The following POLR3A variants were observed in gnomAD, a reference collection of about 807,000 sequenced individuals.
POLR3A encodes the protein RNA polymerase III subunit A, also known as DNA-directed RNA polymerase III subunit RPC1.
A neutral mutation model predicts 152.8 loss-of-function variants in POLR3A; 112 were observed. The ratio of observed to expected loss-of-function variants is 0.73; its 90% CI spans 0.63 to 0.86. The LOEUF is 0.86. Ranked by LOEUF, POLR3A falls within the 40% of genes least tolerant of loss-of-function variation. The pLI is 0.00. For missense variants in POLR3A, 1,385 were observed against 1,743.1 expected (o/e 0.79, Z 3.66); for synonymous variants, 615 against 652.1 (o/e 0.94, Z 0.87).
intron 21 of POLR3A, 115 bp downstream of exon 21, chr10:77,990,939 A>C: frequency 1.4e-6 from 1 of 701,282 alleles, no homozygotes; most frequent in Non-Finnish European, 2.6e-6. Flanking sequence ...TAACAAAGGA[A>C]CAACCCTACC....
chr10:78,005,657 G>A (rs1847403913), intron 15 of POLR3A, among the ~76,000 whole-genome samples: 1 of 152,200 alleles, frequency 6.6e-6, no homozygotes, highest in Non-Finnish European at 1.5e-5. Context: ...TGCAACTGCT[G>A]GAAATGATGA....
intron 15 of POLR3A, among the ~76,000 whole-genome samples, chr10:78,006,670 TA>T (rs1847415244): frequency 6.6e-6 from 1 of 151,882 alleles, no homozygotes. Flanking sequence ...AGAAATAACA[TA>T]AAATTTCCCG....
In POLR3A at chr10:77,982,713, T is replaced by C. The variant is rs752722677; in HGVS notation, c.3534A>G (p.Arg1178=). Residue 1178 remains arginine, a synonymous_variant, in exon 27 of 31, where the codon AGA becomes AGG. Coordinates refer to ENST00000372371, the MANE Select transcript of POLR3A (RefSeq NM_007055.4). ...HGEAVVCVTP[R]ENSKSSMYYV... ...AGTACATGGAGCTCTTGCTGTTCTC[T>C]CTGGGGGTGACACACACCACAGCCT... The C allele has an allele frequency of 1.2e-6, 2 of 1,613,936 alleles. No homozygotes were observed. Among genetic ancestry groups the C allele is most frequent in the Non-Finnish European group, 8.5e-7 (1 of 1,179,920 alleles).
rs143752078 is a variant in POLR3A, at chr10:77,979,951, G to C, written c.4024+190C>G. 2.3e-3 allele frequency among the ~76,000 whole-genome samples: 348 copies of C among 152,264 alleles called. 1 individual carries two copies. The highest frequency in any genetic ancestry group is 8.2e-3 in the African/African-American group (342 of 41,548). The stretch of plus-strand genomic sequence containing the variant: ...GAAGTCATCCAACAGATGTAAACGG[G>C]GATGCAGGATGCTACAGTCAGGATT... On this transcript the variant is annotated intron_variant, in intron 30 of 30. Coordinates refer to ENST00000372371, the MANE Select transcript of POLR3A (RefSeq NM_007055.4).
At chr10:77,981,202 TG>T (rs1847137946) in intron 29 of POLR3A, among the ~76,000 whole-genome samples, 1 of 152,188 alleles carries the variant, frequency 6.6e-6, no homozygotes, top group South Asian at 2.1e-4. Flanking sequence ...CTCCACCGAC[TG>T]GGTATGAGTT....
Position 78,000,044 on chromosome 10 carries a change from T to C in POLR3A, c.2553A>G (p.Thr851=), listed in dbSNP as rs1255734863. Residue 851 remains threonine, a synonymous_variant, in exon 19 of 31, where the codon ACA becomes ACG. Coordinates refer to ENST00000372371, the MANE Select transcript of POLR3A (RefSeq NM_007055.4). The part of the protein sequence containing the change: ...GLTPTEFFFH[T]MAGREGLVDT... ...CGACTAGACCTTCCCGGCCGGCCAT[T>C]GTGTGGAAGAAAAACTCAGTTGGTG... 1 of 1,614,050 alleles carries C rather than the reference T, an allele frequency of 6.2e-7. No homozygotes were observed. Among genetic ancestry groups the C allele is most frequent in the Non-Finnish European group, 8.5e-7 (1 of 1,179,966 alleles).
intron 8 of POLR3A, among the ~76,000 whole-genome samples, chr10:78,020,576 CAGG>C (rs1847569604): frequency 6.6e-6 from 1 of 151,768 alleles, no homozygotes; most frequent in Non-Finnish European, 1.5e-5. Flanking sequence ...ATCACGAGGT[CAGG>C]AGATCGAGAC....
intron 21 of POLR3A, among the ~76,000 whole-genome samples, chr10:77,990,713 T>C (rs1483653908): frequency 6.6e-6 from 1 of 150,408 alleles, no homozygotes; most frequent in Non-Finnish European, 1.5e-5. Context: ...GCCTCTCAGG[T>C]TCAAGCGATT....
chr10:78,004,596 A>G, intron 16 of POLR3A, 120 bp downstream of exon 16: 1 of 796,890 alleles, frequency 1.3e-6, no homozygotes, highest in South Asian at 1.5e-5. Flanking sequence ...ACAGACGCCA[A>G]TGCCTTGACT....
intron 21 of POLR3A, among the ~76,000 whole-genome samples, chr10:77,987,121 A>G (rs1468362557): frequency 6.6e-6 from 1 of 152,178 alleles, no homozygotes; most frequent in Non-Finnish European, 1.5e-5. Context: ...TCCTGCTCAC[A>G]GTGGGTCAAT....
intron 8 of POLR3A, 191 bp from the exon 9 acceptor site, chr10:78,019,456 A>G (rs540531322): frequency 3.4e-5 from 21 of 608,764 alleles, no homozygotes; most frequent in South Asian, 2.9e-4. Context: ...TCCAGCTTCC[A>G]GTGTCAACTC....
rs759752084 is a variant in POLR3A, at chr10:78,019,221, G to A, written c.1230C>T (p.Asn410=). 15 of 1,613,990 alleles carry A rather than the reference G, an allele frequency of 9.3e-6. No homozygotes were observed. Among genetic ancestry groups the A allele is most frequent in the Admixed American group, 1.7e-5 (1 of 60,020 alleles). The change falls in exon 9 of 31, where the codon AAC becomes AAT. Residue 410 remains asparagine, a synonymous_variant. Coordinates refer to ENST00000372371, the MANE Select transcript of POLR3A (RefSeq NM_007055.4). ...TTGCTCCTGGGTGAACCTCAGGGCC[G>A]TTTTGAACCAGTTTCCTCAAGAAAT... ...NINFLRKLVQ[N]GPEVHPGANF...
chr10:77,990,157 T>C (rs969646786), intron 21 of POLR3A, among the ~76,000 whole-genome samples: 2 of 152,028 alleles, frequency 1.3e-5, no homozygotes, highest in African/African-American at 4.8e-5. Context: ...CTTTTGATCC[T>C]AACCATGATT....
intron 30 of POLR3A, 146 bp from the exon 31 acceptor site, chr10:77,977,772 C>T: frequency 1.4e-6 from 1 of 732,926 alleles, no homozygotes; most frequent in South Asian, 1.5e-5. Context: ...AATCCCTTTC[C>T]TTCCCATCTA....
intron 4 of POLR3A, 22 bp from the exon 5 acceptor site, chr10:78,024,725 C>T: frequency 6.3e-7 from 1 of 1,600,000 alleles, no homozygotes; most frequent in Non-Finnish European, 8.6e-7. Flanking sequence ...AGTTTATTTA[C>T]CAAGAAATAA....
At chr10:77,994,516 A>T (rs900604830) in intron 19 of POLR3A, among the ~76,000 whole-genome samples, 18 of 152,002 alleles carry the variant, frequency 1.2e-4, no homozygotes, top group Non-Finnish European at 1.9e-4. Context: ...AAAAAAAAGC[A>T]GAAGACTCAG....
chr10:78,013,829 T>C, intron 10 of POLR3A, 39 bp from the exon 11 acceptor site: 2 of 1,613,730 alleles, frequency 1.2e-6, no homozygotes, highest in Non-Finnish European at 1.7e-6. Flanking sequence ...GAAGAGGACT[T>C]AGGCATTTAT....
rs745840014 is a variant in POLR3A at position 78,002,192 on chromosome 10, C to T, written c.2359+5G>A. 3.8e-6 allele frequency: 6 copies of T among 1,565,078 alleles called. No individual in the cohort carries two copies. The Middle Eastern group carries it at 5.2e-4, about 136-fold the overall frequency. ...TGCCAGCAGGTGAGAGAGGGGCATG[C>T]AGACCTTTGGAGCCGCACAGAGCCA... is the stretch of plus-strand genomic sequence containing the variant. On this transcript the variant is annotated splice_donor_5th_base_variant and intron_variant, in intron 17 of 30. Coordinates refer to ENST00000372371, the MANE Select transcript of POLR3A (RefSeq NM_007055.4).
chr10:78,027,987 T>C (rs960812097), intron 1 of POLR3A, among the ~76,000 whole-genome samples: 2 of 152,322 alleles, frequency 1.3e-5, no homozygotes, highest in South Asian at 2.1e-4. Context: ...CCAGTGTCGA[T>C]GTAGAGCTAC....
Sources: allele counts gnomAD v4.1 joint callset (sites outside exome capture counted in the v4.1 genomes callset), GRCh38; gene constraint gnomAD v4.1.1; transcripts MANE v1.5; gene names NCBI Gene and HGNC (gene_info 2026-07-23, HGNC 2026-07-21).